The following RDX variants were observed in gnomAD, a reference collection of about 807,000 sequenced individuals.
RDX encodes the protein deafness, autosomal recessive 24.
RDX carries 32 observed loss-of-function variants against 83.7 expected under a neutral mutation model. The observed-to-expected ratio is 0.38, with a 90% CI of 0.29 to 0.51. RDX has a LOEUF of 0.51. Among genes scored for constraint, RDX ranks in the 20% least tolerant of loss-of-function variants. The pLI is 0.87. For missense variants in RDX, 600 were observed against 689.9 expected (o/e 0.87, Z 1.46); for synonymous variants, 229 against 222.7 (o/e 1.03, Z -0.25).
chr11:110,215,442 G>C (rs1864015519), intron 14 of RDX, among the ~76,000 whole-genome samples: 1 of 151,596 alleles, frequency 6.6e-6, no homozygotes, highest in Admixed American at 6.6e-5. Context: ...TCCCCTACAA[G>C]AGTAAATCAT....
chr11:110,220,468 C>T (rs1864205017), intron 14 of RDX, among the ~76,000 whole-genome samples: 1 of 152,130 alleles, frequency 6.6e-6, no homozygotes, highest in Non-Finnish European at 1.5e-5. Context: ...ATCTAAAACC[C>T]ATGCAATTAC....
intron 14 of RDX, among the ~76,000 whole-genome samples, chr11:110,223,009 C>T (rs1203814424): frequency 1.3e-5 from 2 of 152,084 alleles, no homozygotes; most frequent in East Asian, 3.8e-4. Context: ...TTTACTTTTA[C>T]ATACAATGAA....
chr11:110,276,550 C>T lies in RDX; in HGVS notation c.12+3131G>A, dbSNP rs534129945. Among the ~76,000 whole-genome samples, 6 of 152,024 alleles carry T rather than the reference C, an allele frequency of 3.9e-5. 1 individual carries two copies. Among genetic ancestry groups the T allele is most frequent in the South Asian group, 4.1e-4 (2 of 4,820 alleles). Reference sequence around the variant, plus strand: ...TTTATGATTTAGTATTGGAACAACACGAAATTATTTGGTATCTTTGGGTAA... The same window carrying T: ...TTTATGATTTAGTATTGGAACAACATGAAATTATTTGGTATCTTTGGGTAA... On this transcript the variant is annotated intron_variant, in intron 2 of 13. Transcript: ENST00000645495.
chr11:110,284,978 A>G (rs569353900), intron 1 of RDX, among the ~76,000 whole-genome samples: 141 of 152,392 alleles, frequency 9.3e-4, no homozygotes, highest in African/African-American at 2.8e-3. Flanking sequence ...ATTAGCTTCT[A>G]CAACACACAG....
At chr11:110,284,558 T>C (rs550776702) in intron 1 of RDX, among the ~76,000 whole-genome samples, 2 of 152,156 alleles carry the variant, frequency 1.3e-5, no homozygotes, top group East Asian at 3.9e-4. Context: ...TCTCGCTCTG[T>C]TGCCCAGGCT....
intron 14 of RDX, among the ~76,000 whole-genome samples, chr11:110,223,380 T>C (rs916399659): frequency 5.3e-5 from 8 of 151,304 alleles, no homozygotes; most frequent in African/African-American, 1.9e-4. Flanking sequence ...AACAAAAAAA[T>C]TAGCCAGGCA....
intron 9 of RDX, among the ~76,000 whole-genome samples, chr11:110,253,037 T>G (rs942469010): frequency 1.3e-5 from 2 of 152,160 alleles, no homozygotes; most frequent in Non-Finnish European, 2.9e-5. Flanking sequence ...GAAGATAATT[T>G]GAGTTAATAT....
intron 14 of RDX, among the ~76,000 whole-genome samples, chr11:110,206,403 TA>T (rs1863605427): frequency 6.6e-6 from 1 of 151,894 alleles, no homozygotes; most frequent in African/African-American, 2.4e-5. Flanking sequence ...GTGTGTGTAA[TA>T]AAATTATGTT....
intron 3 of RDX, 65 bp from the exon 4 acceptor site, chr11:110,264,939 A>T (rs1272847489): frequency 8.7e-7 from 1 of 1,148,878 alleles, no homozygotes; most frequent in Non-Finnish European, 1.3e-6. Flanking sequence ...TCTAGATGAT[A>T]CTACACTTCA....
At chr11:110,263,162 C>A (rs1455337566) in intron 5 of RDX, among the ~76,000 whole-genome samples, 1 of 152,008 alleles carries the variant, frequency 6.6e-6, no homozygotes, top group Non-Finnish European at 1.5e-5. Context: ...GTAATCCCAG[C>A]TACTCGGGAG....
At chr11:110,211,046 C>T (rs1431950876) in intron 14 of RDX, among the ~76,000 whole-genome samples, 1 of 152,104 alleles carries the variant, frequency 6.6e-6, no homozygotes, top group East Asian at 1.9e-4. Flanking sequence ...CACAGACTGG[C>T]AAATTGGATA....
At chr11:110,283,417 G>C (rs1860843920) in intron 1 of RDX, among the ~76,000 whole-genome samples, 1 of 152,062 alleles carries the variant, frequency 6.6e-6, no homozygotes, top group Non-Finnish European at 1.5e-5. Flanking sequence ...GCCTCCCAAA[G>C]TGCTCACAGA....
chr11:110,274,614 CTT>C (rs1422942780), intron 2 of RDX, among the ~76,000 whole-genome samples: 3 of 151,840 alleles, frequency 2.0e-5, no homozygotes, highest in Non-Finnish European at 4.4e-5. Context: ...GCCTCAGCCT[CTT>C]GAGTGGCTGG....
At chr11:110,214,554 C>G (rs1354770216) in intron 14 of RDX, among the ~76,000 whole-genome samples, 1 of 95,118 alleles carries the variant, frequency 1.1e-5, no homozygotes, top group Non-Finnish European at 2.1e-5. Context: ...ATGTTTATTG[C>G]AGCATTATTC....
intron 14 of RDX, among the ~76,000 whole-genome samples, chr11:110,223,545 A>G (rs1356213035): frequency 6.6e-6 from 1 of 151,988 alleles, no homozygotes; most frequent in Non-Finnish European, 1.5e-5. Context: ...TAAATAAAAT[A>G]AAGTTCCTGA....
intron 3 of RDX, 143 bp from the exon 4 acceptor site, chr11:110,265,017 A>C: frequency 1.9e-6 from 1 of 523,156 alleles, no homozygotes; most frequent in Non-Finnish European, 3.3e-6. Flanking sequence ...CCCTAAATTT[A>C]AGATATTAAA....
intron 3 of RDX, among the ~76,000 whole-genome samples, chr11:110,266,422 GT>G (rs568379263): frequency 6.6e-6 from 1 of 152,038 alleles, no homozygotes; most frequent in African/African-American, 2.4e-5. Flanking sequence ...AAAAGCATAT[GT>G]TTTTTAAAAA....
downstream of RDX, among the ~76,000 whole-genome samples, chr11:110,226,066 C>A (rs1047085181): frequency 4.5e-4 from 50 of 110,796 alleles, no homozygotes; most frequent in South Asian, 9.1e-4. Context: ...AACTCCATCT[C>A]AAAAAAAAAA....
intron 11 of RDX, chr11:110,236,716 G>A (rs913442001): frequency 4.4e-5 from 7 of 158,112 alleles, no homozygotes; most frequent in African/African-American, 1.2e-4. Flanking sequence ...CGCCTGCCAG[G>A]TTCAAGCAAT....
Sources: gnomAD v4.1 joint callset for allele counts (sites outside exome capture counted in the v4.1 genomes callset) on GRCh38, gnomAD v4.1.1 for gene constraint, MANE v1.5 for transcripts, NCBI Gene and HGNC (gene_info 2026-07-23, HGNC 2026-07-21) for gene names.